TBC1D9B: variants seen among roughly 807,000 people sequenced by gnomAD.
TBC1D9B encodes the protein TBC1 domain family, member 9B (with GRAM domain).
In TBC1D9B, 87 loss-of-function variants were observed where a neutral mutation model predicts 121.1. The ratio of observed to expected loss-of-function variants is 0.72; its 90% confidence interval spans 0.60 to 0.86. The LOEUF is 0.86. Ranked by LOEUF, TBC1D9B falls within the 40% of genes least tolerant of loss-of-function variation. The probability of loss-of-function intolerance (pLI) is 0.00; values close to 1 mark genes in which losing one functional copy is unlikely to be tolerated. For missense variants in TBC1D9B, 1,540 were observed against 1,628.6 expected (o/e 0.95, Z 0.94); for synonymous variants, 668 against 670.1 (o/e 1.00, Z 0.05).
In TBC1D9B at chr5:179,891,465, G is replaced by C. The variant is rs1284212369; in HGVS notation, c.958C>G (p.Pro320Ala). The C allele has an allele frequency of 6.2e-7, 1 of 1,614,226 alleles. No homozygotes were observed. The change falls in exon 6 of 21, where the codon CCT becomes GCT. Residue 320 changes from proline (P) to alanine (A), a missense_variant. By Grantham distance (27) the Pro-to-Ala change is conservative. Transcript: ENST00000355235. The surrounding 1 kb of genome is among the most constrained non-coding windows in gnomAD (Gnocchi z 4.3). Reference protein sequence around the residue: ...LWTPFNKLHIPGQMFISNNYI... With the variant: ...LWTPFNKLHIAGQMFISNNYI... ...TTGTTGGAGATGAACATCTGGCCAGGGATGTGCAGCTTGTTGAACGGCGTC... is the reference window on the plus strand; with the variant it reads ...TTGTTGGAGATGAACATCTGGCCAGCGATGTGCAGCTTGTTGAACGGCGTC...
At chr5:179,872,170 C>T (rs1760221957) in intron 14 of TBC1D9B, 1 of 154,512 alleles carries the variant, frequency 6.5e-6, no homozygotes, top group South Asian at 2.0e-4. Flanking sequence ...GGGCCCCTTC[C>T]CAGGATGGGC....
At chr5:179,888,431 C>T in intron 6 of TBC1D9B, 119 bp from the exon 7 acceptor site, 1 of 1,020,406 alleles carries the variant, frequency 9.8e-7, no homozygotes, top group Non-Finnish European at 1.4e-6. Context: ...CAGTGAGTGG[C>T]CCAACTGTCC....
Position 179,904,898 on chromosome 5 carries a change from G to T in TBC1D9B, c.119-86C>A. On this transcript the variant is annotated intron_variant, in intron 1 of 20. Coordinates refer to ENST00000355235, the MANE Select transcript of TBC1D9B (RefSeq NM_015043.4). This position sits in a 1 kb window ranked among gnomAD's most constrained non-coding sequence, Gnocchi z 4.2. ...GCTGAGTCTGGCCGGAGGCAGACAG[G>T]ATGGTGACGCTACCCAAAGGGTCCA... 1 of 1,065,086 alleles carries T rather than the reference G, an allele frequency of 9.4e-7. No homozygotes were observed. Among genetic ancestry groups the T allele is most frequent in the Non-Finnish European group, 1.3e-6 (1 of 742,272 alleles). The allele number at this position is 1,065,086 out of a possible 1,614,324, so 66.0% of individuals were successfully genotyped here.
In TBC1D9B at chr5:179,891,498, T is replaced by C; in HGVS notation, c.925A>G (p.Thr309Ala). The change falls in exon 6 of 21, where the codon ACC becomes GCC. Residue 309 changes from threonine to alanine, a missense_variant. Coordinates refer to ENST00000355235, the MANE Select transcript of TBC1D9B (RefSeq NM_015043.4). The surrounding 1 kb of genome is among the most constrained non-coding windows in gnomAD (Gnocchi z 4.3). ...DERLDGHTSC[T>A]LWTPFNKLHI... is the part of the protein sequence containing the mutation. ...AGCTTGTTGAACGGCGTCCACAGGG[T>C]GCAGCTTGTGTGGCCGTCTAGCCGC... 3 of 1,614,160 alleles carry C rather than the reference T, an allele frequency of 1.9e-6. No homozygotes were observed. The highest frequency in any genetic ancestry group is 1.7e-6 in the Non-Finnish European group (2 of 1,180,028).
In TBC1D9B at chr5:179,865,202, T is replaced by C; in HGVS notation, c.3021+52A>G. On this transcript the variant is annotated intron_variant, in intron 20 of 20. Coordinates refer to ENST00000355235, the MANE Select transcript of TBC1D9B (RefSeq NM_015043.4). The surrounding 1 kb of genome is among the most constrained non-coding windows in gnomAD (Gnocchi z 5.1). Reference sequence around the variant, plus strand: ...CAGGTGCGGTGATGTTAGGGCCCAGTCTTGGTCAGAACTCTCCAGAAATGT... The same window carrying C: ...CAGGTGCGGTGATGTTAGGGCCCAGCCTTGGTCAGAACTCTCCAGAAATGT... The C allele has an allele frequency of 2.5e-6, 4 of 1,571,274 alleles. No homozygotes were observed. The South Asian group carries it at 3.3e-5, about 13-fold the overall frequency.
chr5:179,871,300 T>A (rs1047806595), intron 15 of TBC1D9B, among the ~76,000 whole-genome samples, 162 bp downstream of exon 15: 17 of 152,134 alleles, frequency 1.1e-4, no homozygotes, highest in African/African-American at 4.1e-4. Flanking sequence ...CCACAGGAGG[T>A]TCATGGCAAC....
chr5:179,863,943 T>C lies in TBC1D9B; in HGVS notation c.3207A>G (p.Pro1069=), dbSNP rs766378065. The change falls in exon 21 of 21, where the codon CCA becomes CCG. Residue 1069 remains proline (P), a synonymous_variant. Transcript: ENST00000355235. The surrounding 1 kb of genome is among the most constrained non-coding windows in gnomAD (Gnocchi z 4.5). The stretch of plus-strand genomic sequence containing the variant: ...CGTCCTGATGCAGTTCGGGTGCTGG[T>C]GGCTCGTCCTCCTCAGTGGCACAGT... ...PRDCATEEDE[P]PAPELHQDAA... 3.1e-5 allele frequency: 50 copies of C among 1,613,874 alleles called. No individual in the cohort carries two copies. The highest frequency in any genetic ancestry group is 4.0e-5 in the Non-Finnish European group (47 of 1,180,030).
chr5:179,888,168 T>C lies in TBC1D9B; in HGVS notation c.1189A>G (p.Thr397Ala). 6.2e-7 allele frequency: 1 copy of C among 1,613,666 alleles called. No homozygotes were observed. Among genetic ancestry groups the C allele is most frequent in the Non-Finnish European group, 8.5e-7 (1 of 1,179,872 alleles). Residue 397 changes from threonine (T) to alanine (A), a missense_variant, in exon 7 of 21, where the codon ACA becomes GCA. By Grantham distance (58) the Thr-to-Ala change is moderately conservative. Transcript: ENST00000355235. ...VQRISDFLQK[T>A]PSKQPGSIGS... ...ATACTGCCTGGCTGCTTGGATGGTG[T>C]TTTCTGGAGGAAGTCAGAGATCCTC... is the stretch of plus-strand genomic sequence containing the variant.
intron 3 of TBC1D9B, among the ~76,000 whole-genome samples, chr5:179,895,513 C>A (rs1003593392): frequency 3.9e-4 from 60 of 152,326 alleles, no homozygotes; most frequent in African/African-American, 1.4e-3. Context: ...GCGGCAGGAC[C>A]TGCAGTTTCA....
intron 3 of TBC1D9B, among the ~76,000 whole-genome samples, chr5:179,895,828 G>A (rs1259137151): frequency 3.3e-5 from 5 of 152,246 alleles, no homozygotes; most frequent in Non-Finnish European, 2.9e-5. Context: ...CTATTTCTGA[G>A]TAGCCAGGGA....
Position 179,888,235 on chromosome 5 carries a change from T to C in TBC1D9B, c.1122A>G (p.Thr374=), listed in dbSNP as rs368532989. 5.2e-5 allele frequency: 84 copies of C among 1,611,666 alleles called. No homozygotes were observed. The highest frequency in any genetic ancestry group is 6.7e-5 in the Non-Finnish European group (79 of 1,179,280). ...PLSISTKSKM[T]FLFANLKDRD... ...GGTCTTTCAGGTTGGCAAACAGGAA[T>C]GTCATTTTGCTTTTGGTGCTGATGG... The change falls in exon 7 of 21, where the codon ACA becomes ACG. Residue 374 remains threonine, a synonymous_variant. Coordinates refer to ENST00000355235, the MANE Select transcript of TBC1D9B (RefSeq NM_015043.4).
Position 179,893,422 on chromosome 5 carries a change from T to A in TBC1D9B, c.623A>T (p.Asn208Ile). The change falls in exon 5 of 21, where the codon AAC becomes ATC. Residue 208 changes from asparagine to isoleucine, a missense_variant. Physicochemically the swap from Asn to Ile is moderately radical, Grantham distance 149 (BLOSUM62 -3). Transcript: ENST00000355235. Reference sequence around the variant, plus strand: ...GCTCTCGGGGAAGAGCAGGGTGGCGTTCTTCTCCAGACGCGTTATGTCCAC... The same window carrying A: ...GCTCTCGGGGAAGAGCAGGGTGGCGATCTTCTCCAGACGCGTTATGTCCAC... ...QWVDITRLEK[N>I]ATLLFPESIR... 1 of 1,613,504 alleles carries A rather than the reference T, an allele frequency of 6.2e-7. No individual in the cohort carries two copies. The highest frequency in any genetic ancestry group is 8.5e-7 in the Non-Finnish European group (1 of 1,179,650).
chr5:179,888,772 C>A (rs1760770765), intron 6 of TBC1D9B, among the ~76,000 whole-genome samples: 1 of 152,094 alleles, frequency 6.6e-6, no homozygotes, highest in African/African-American at 2.4e-5. Flanking sequence ...CTGCAGAGCC[C>A]AAGGCCTGGC....
chr5:179,871,517 G>A lies in TBC1D9B; in HGVS notation c.2429C>T (p.Pro810Leu). ...TTCAATGGAGAAACCAATGTCCACA[G>A]GTATAGCTCGGACCTAGAAGGAAGG... ...TAKRSVVRAI[P>L]VDIGFSIEEL... Residue 810 changes from proline to leucine, a missense_variant, in exon 15 of 21, where the codon CCT (proline) becomes CTT (leucine). By Grantham distance (98) the Pro-to-Leu change is moderately conservative (BLOSUM62 -3). Coordinates refer to ENST00000355235, the MANE Select transcript of TBC1D9B (RefSeq NM_015043.4). 1 of 1,612,986 alleles carries A rather than the reference G, an allele frequency of 6.2e-7. No individual in the cohort carries two copies. Among genetic ancestry groups the A allele is most frequent in the East Asian group, 2.2e-5 (1 of 44,888 alleles).
chr5:179,881,919 TTTTCCATATC>T (rs915497118), intron 7 of TBC1D9B, among the ~76,000 whole-genome samples: 2 of 152,064 alleles, frequency 1.3e-5, no homozygotes, highest in Admixed American at 6.5e-5. Context: ...GCTTATTCTA[TTTTCCATATC>T]TTTCCATATA....
intron 18 of TBC1D9B, chr5:179,867,552 A>G: frequency 6.5e-7 from 1 of 1,544,524 alleles, no homozygotes; most frequent in Non-Finnish European, 8.8e-7. Context: ...GCCAAGGTCC[A>G]GGAAGACAGA....
In TBC1D9B at chr5:179,888,929, G is replaced by A. The variant is rs535279580; in HGVS notation, c.1045-617C>T. On this transcript the variant is annotated intron_variant, in intron 6 of 20. Coordinates refer to ENST00000355235, the MANE Select transcript of TBC1D9B (RefSeq NM_015043.4). ...GAGTGCTGGGGAAGAGATGGGTGGG[G>A]GCACAGCAGTCACCCTGCAGAGGGG... Among the ~76,000 whole-genome samples, 4 of 152,288 alleles carry A rather than the reference G, an allele frequency of 2.6e-5. No individual in the cohort carries two copies. In the South Asian group the frequency reaches 6.2e-4, roughly 24 times the overall value.
intron 18 of TBC1D9B, chr5:179,866,142 T>C: frequency 2.1e-6 from 1 of 483,482 alleles, no homozygotes; most frequent in South Asian, 2.4e-5. Context: ...AATTCCTTTT[T>C]TCAAATGAAT....
intron 18 of TBC1D9B, 191 bp downstream of exon 18, chr5:179,867,587 A>G (rs1307318083): frequency 1.3e-6 from 2 of 1,512,814 alleles, no homozygotes; most frequent in Admixed American, 3.9e-5. Flanking sequence ...AGGAGTGAGG[A>G]CATCCACAGG....
Sources: allele counts gnomAD v4.1 joint callset (sites outside exome capture counted in the v4.1 genomes callset), GRCh38; gene constraint gnomAD v4.1.1; non-coding constraint Gnocchi (gnomAD v3.1); transcripts MANE v1.5; gene names NCBI Gene and HGNC (gene_info 2026-07-23, HGNC 2026-07-21).